RPIA: variants seen among roughly 807,000 people sequenced by gnomAD.
RPIA encodes ribose 5-phosphate isomerase A.
RPIA carries 29 observed loss-of-function variants against 37.8 expected under a neutral mutation model. The observed-to-expected ratio is 0.77, with a 90% CI of 0.57 to 1.05. The LOEUF (loss-of-function observed/expected upper bound fraction) is 1.05. RPIA is among the 50% of genes least tolerant of loss of function. The probability of loss-of-function intolerance (pLI) is 0.00; values close to 1 mark genes in which losing one functional copy is unlikely to be tolerated. For missense variants in RPIA, 385 were observed against 413.6 expected, an observed-to-expected ratio of 0.93 and a Z score of 0.60; for synonymous variants, 167 against 157.0, an observed-to-expected ratio of 1.06 and a Z score of -0.48.
At chr2:88,719,526 A>G (rs1040615449) in intron 3 of RPIA, among the ~76,000 whole-genome samples, 8 of 152,158 alleles carry the variant, frequency 5.3e-5, no homozygotes, top group South Asian at 2.1e-4. Context: ...TTGATTTTGG[A>G]AATATTGTCA....
Position 88,734,588 on chromosome 2 carries a change from G to A in RPIA, c.499G>A (p.Ala167Thr). 1 of 1,613,478 alleles carries A rather than the reference G, an allele frequency of 6.2e-7. No homozygotes were observed. The highest frequency in any genetic ancestry group is 8.5e-7 in the Non-Finnish European group (1 of 1,179,622). The change falls in exon 5 of 9, where the codon GCT becomes ACT. Residue 167 changes from alanine (A) to threonine (T), a missense_variant. Ala to Thr is a moderately conservative substitution (Grantham distance 58). Coordinates refer to ENST00000283646, the MANE Select transcript of RPIA (RefSeq NM_144563.3). ...CATCGATGGTGCTGATGAAGTAGAT[G>A]CTGATCTCAATCTCATCAAGGGTGG... ...LAIDGADEVD[A>T]DLNLIKGGGG...
At chr2:88,693,548 T>C (rs1030076182) in intron 1 of RPIA, among the ~76,000 whole-genome samples, 2 of 152,228 alleles carry the variant, frequency 1.3e-5, no homozygotes, top group African/African-American at 4.8e-5. Context: ...TGCTTTATGT[T>C]GTATCTCATG....
intron 8 of RPIA, 116 bp downstream of exon 8, chr2:88,738,192 A>C (rs1673339082): frequency 1.3e-6 from 1 of 787,962 alleles, no homozygotes; most frequent in African/African-American, 1.7e-5. Context: ...GGTTGGAAAG[A>C]AGAATTCCCT....
intron 3 of RPIA, among the ~76,000 whole-genome samples, chr2:88,727,843 G>A (rs1051131472): frequency 2.6e-5 from 4 of 152,094 alleles, no homozygotes; most frequent in Admixed American, 2.6e-4. Context: ...TCTTTGATAA[G>A]TTCAAAATCA....
intron 7 of RPIA, 38 bp downstream of exon 7, chr2:88,736,714 A>C: frequency 6.3e-7 from 1 of 1,592,242 alleles, no homozygotes; most frequent in East Asian, 2.3e-5. Flanking sequence ...TGCTGGGTGC[A>C]CTCAGGTTTT....
At chr2:88,709,615 A>G (rs1298386165) in intron 3 of RPIA, among the ~76,000 whole-genome samples, 2 of 152,248 alleles carry the variant, frequency 1.3e-5, no homozygotes, top group South Asian at 4.1e-4. Context: ...AAGGCAAAAC[A>G]AGTCTGTTGT....
At chr2:88,697,945 A>C (rs1672775849) in intron 1 of RPIA, among the ~76,000 whole-genome samples, 1 of 152,154 alleles carries the variant, frequency 6.6e-6, no homozygotes, top group Non-Finnish European at 1.5e-5. Context: ...TATGGAAGAC[A>C]CTGAAGCCAG....
chr2:88,693,659 A>C (rs1295536215), intron 1 of RPIA, among the ~76,000 whole-genome samples: 4 of 152,368 alleles, frequency 2.6e-5, no homozygotes, highest in African/African-American at 9.6e-5. Flanking sequence ...GGTCCTGCCC[A>C]GTACATGTTT....
In RPIA at chr2:88,750,740, C is replaced by T. The variant is rs746785300; in HGVS notation, c.*662C>T. On this transcript the variant is annotated 3_prime_UTR_variant, in exon 9 of 9. Coordinates refer to ENST00000283646, the MANE Select transcript of RPIA (RefSeq NM_144563.3). ...ATTCCTGCTGTTGGAAGCAGTTGAC[C>T]AGAAATGCTTGCCAGTACTGCCAAA... The T allele has an allele frequency of 2.5e-6, 1 of 398,840 alleles. No individual in the cohort carries two copies. Among genetic ancestry groups the T allele is most frequent in the Non-Finnish European group, 4.4e-6 (1 of 226,116 alleles). 24.7% of individuals were successfully genotyped at this position (398,840 alleles called of 1,614,324 possible). A position where few individuals can be genotyped will look rare whatever the true frequency, so the allele number is the denominator to read the frequency against.
rs112072672 is a variant in RPIA at position 88,749,293 on chromosome 2, G to A, written c.839-688G>A. On this transcript the variant is annotated intron_variant, in intron 8 of 8. Transcript: ENST00000283646. ...CATCCCAGCAGAATTTCATTACACT[G>A]ACTTCAGTGTGTGTGTAGTGATATC... Among the ~76,000 whole-genome samples, 602 of 152,252 alleles carry A rather than the reference G, an allele frequency of 4.0e-3. 1 individual carries two copies. The highest frequency in any genetic ancestry group is 0.013 in the African/African-American group (534 of 41,540).
chr2:88,732,728 T>TAAA (rs75685116), intron 4 of RPIA, among the ~76,000 whole-genome samples: 5 of 2,004 alleles, frequency 2.5e-3, no homozygotes, highest in East Asian at 7.1e-3. Context: ...TAGAGTATAA[T>TAAA]AAAAAAAAAA....
chr2:88,713,116 A>ATTTT (rs1328922128), intron 3 of RPIA, among the ~76,000 whole-genome samples: 48 of 52,128 alleles, frequency 9.2e-4, no homozygotes, highest in African/African-American at 4.6e-3. Context: ...ATATATATAT[A>ATTTT]TATATTTTTT....
At chr2:88,713,106 A>G (rs947548722) in intron 3 of RPIA, among the ~76,000 whole-genome samples, 3 of 69,780 alleles carry the variant, frequency 4.3e-5, no homozygotes, top group African/African-American at 2.2e-4. Flanking sequence ...CTGAATATAT[A>G]TATATATATA....
At chr2:88,717,279 G>A (rs1000940159) in intron 3 of RPIA, among the ~76,000 whole-genome samples, 2 of 152,174 alleles carry the variant, frequency 1.3e-5, no homozygotes, top group African/African-American at 2.4e-5. Context: ...CAAAGTTGAG[G>A]ACATGTGCCT....
chr2:88,707,467 T>A (rs1672911666), intron 3 of RPIA, among the ~76,000 whole-genome samples: 1 of 152,166 alleles, frequency 6.6e-6, no homozygotes, highest in Non-Finnish European at 1.5e-5. Flanking sequence ...GCAATTTGAG[T>A]ACCGGTTACA....
intron 8 of RPIA, among the ~76,000 whole-genome samples, chr2:88,745,382 T>G (rs1450557691): frequency 6.6e-6 from 1 of 152,242 alleles, no homozygotes; most frequent in African/African-American, 2.4e-5. Context: ...CCTGTGAAAT[T>G]TATGCTTTAA....
At chr2:88,748,813 C>T (rs572724507) in intron 8 of RPIA, among the ~76,000 whole-genome samples, 141 of 152,246 alleles carry the variant, frequency 9.3e-4, no homozygotes, top group Non-Finnish European at 1.6e-3. Context: ...TGGGCTCAGG[C>T]GATTCTCCCA....
intron 3 of RPIA, among the ~76,000 whole-genome samples, chr2:88,723,437 A>G (rs1673158526): frequency 6.6e-6 from 1 of 152,190 alleles, no homozygotes; most frequent in African/African-American, 2.4e-5. Context: ...CCTTGTTGGA[A>G]TCAAGTAAAA....
intron 1 of RPIA, among the ~76,000 whole-genome samples, chr2:88,693,115 AG>A (rs1445205128): frequency 6.6e-6 from 1 of 152,258 alleles, no homozygotes; most frequent in Non-Finnish European, 1.5e-5. Flanking sequence ...TGTAAAATTG[AG>A]ACAATAAGCT....
Sources: allele counts gnomAD v4.1 joint callset (sites outside exome capture counted in the v4.1 genomes callset), GRCh38; gene constraint gnomAD v4.1.1; transcripts MANE v1.5; gene names NCBI Gene and HGNC (gene_info 2026-07-23, HGNC 2026-07-21).